Variants in SLC5A5 observed in about 807,000 individuals in gnomAD.
SLC5A5 encodes solute carrier family 5 member 5.
SLC5A5 carries 56 observed loss-of-function variants against 68.6 expected under a neutral mutation model. That is an observed-to-expected ratio of 0.82 (90% CI 0.66 to 1.02). The LOEUF is 1.02. Among genes scored for constraint, SLC5A5 ranks in the 50% least tolerant of loss-of-function variants. SLC5A5 has a pLI of 0.00. For synonymous variants in SLC5A5, 398 were observed against 373.0 expected, an observed-to-expected ratio of 1.07 and a Z score of -0.77; for missense variants, 807 against 859.8, an observed-to-expected ratio of 0.94 and a Z score of 0.77.
Position 17,888,412 on chromosome 19 carries a change from G to C in SLC5A5, c.1608G>C (p.Thr536=), listed in dbSNP as rs562401047. Reference sequence around the variant, plus strand: ...ATCTCTATTACGGTGCCCTGGGCACGCTGACCACTGTGCTGTGCGGAGCCC... The same window carrying C: ...ATCTCTATTACGGTGCCCTGGGCACCCTGACCACTGTGCTGTGCGGAGCCC... ...ISYLYYGALG[T]LTTVLCGALI... Residue 536 remains threonine (T), a synonymous_variant, in exon 13 of 15, where the codon ACG becomes ACC. Transcript: ENST00000222248. The C allele has an allele frequency of 2.0e-5, 33 of 1,613,696 alleles. No individual in the cohort carries two copies. Among genetic ancestry groups the C allele is most frequent in the Non-Finnish European group, 2.7e-5 (32 of 1,179,980 alleles).
chr19:17,884,152 G>A (rs2094328151), intron 12 of SLC5A5, 106 bp downstream of exon 12: 2 of 1,048,286 alleles, frequency 1.9e-6, no homozygotes, highest in Non-Finnish European at 2.8e-6. Flanking sequence ...TTAGTAAAAT[G>A]CATTCCTGGG....
chr19:17,875,891 C>A, intron 4 of SLC5A5, 61 bp from the exon 5 acceptor site: 1 of 1,560,090 alleles, frequency 6.4e-7, no homozygotes, highest in Non-Finnish European at 8.8e-7. Flanking sequence ...GTCCTAGGCA[C>A]CACTGAAGGC....
intron 13 of SLC5A5, among the ~76,000 whole-genome samples, chr19:17,890,250 T>G (rs2030112845): frequency 6.6e-6 from 1 of 152,060 alleles, no homozygotes; most frequent in African/African-American, 2.4e-5. Flanking sequence ...TTTGTATTTT[T>G]AGTAGAAATG....
intron 13 of SLC5A5, among the ~76,000 whole-genome samples, chr19:17,890,007 G>A (rs1210600498): frequency 6.6e-6 from 1 of 152,166 alleles, no homozygotes; most frequent in Non-Finnish European, 1.5e-5. Flanking sequence ...AGGCACTGGG[G>A]ATGCAGCAGT....
intron 10 of SLC5A5, among the ~76,000 whole-genome samples, chr19:17,882,932 C>T (rs1308706730): frequency 2.0e-5 from 3 of 152,148 alleles, no homozygotes; most frequent in East Asian, 1.9e-4. Flanking sequence ...ATCCGCCCTC[C>T]TCGGCCTCCC....
chr19:17,881,265 G>GT (rs34835308), intron 8 of SLC5A5, among the ~76,000 whole-genome samples: 11,489 of 149,904 alleles, frequency 0.077, 555 homozygotes, highest in African/African-American at 0.13. Flanking sequence ...GGCAGGTACT[G>GT]TTTTTTTTTG....
chr19:17,879,139 C>T (rs1414957632), intron 7 of SLC5A5, among the ~76,000 whole-genome samples: 1 of 144,548 alleles, frequency 6.9e-6, no homozygotes, highest in East Asian at 2.1e-4. Flanking sequence ...CTGAAAAATA[C>T]AAAATTAGCC....
chr19:17,879,858 T>A (rs1287777639), intron 7 of SLC5A5, among the ~76,000 whole-genome samples: 1 of 151,950 alleles, frequency 6.6e-6, no homozygotes, highest in African/African-American at 2.4e-5. Context: ...GATCAACAAA[T>A]GCACATTATA....
At position 17,872,245 on chromosome 19, in the gene SLC5A5, C is replaced by T. The variant is rs2094295866; in HGVS notation, c.-75C>T. 1.1e-6 allele frequency: 1 copy of T among 899,460 alleles called. No individual in the cohort carries two copies. The highest frequency in any genetic ancestry group is 1.7e-6 in the Non-Finnish European group (1 of 576,776). 55.7% of individuals were successfully genotyped at this position (899,460 alleles called of 1,614,324 possible). A position where few individuals can be genotyped will look rare whatever the true frequency, so the allele number is the denominator to read the frequency against. On this transcript the variant is annotated 5_prime_UTR_variant, in exon 1 of 15. Transcript: ENST00000222248. Reference sequence around the variant, plus strand: ...CCACCCGCCCTCCCCGTCCTGCCTCCTCGGCCCCTGCCAGCTTCCCCCGCT... The same window carrying T: ...CCACCCGCCCTCCCCGTCCTGCCTCTTCGGCCCCTGCCAGCTTCCCCCGCT...
At chr19:17,890,216 G>A (rs1417899172) in intron 13 of SLC5A5, among the ~76,000 whole-genome samples, 6 of 150,792 alleles carry the variant, frequency 4.0e-5, no homozygotes, top group African/African-American at 7.3e-5. Flanking sequence ...GATTACAAGC[G>A]CCCACCCCCA....
rs997008378 is a variant in SLC5A5, at chr19:17,878,158, G to A, written c.969+65G>A. 1.5e-5 allele frequency: 24 copies of A among 1,558,944 alleles called. No homozygotes were observed. In the East Asian group the frequency reaches 1.6e-4, roughly 10 times the overall value. On this transcript the variant is annotated intron_variant, in intron 7 of 14. Coordinates refer to ENST00000222248, the MANE Select transcript of SLC5A5 (RefSeq NM_000453.3). Reference sequence around the variant, plus strand: ...TCACTAGCTTGGTGGGATTGAGGTCGAAGAGCATTCCTAGCAGAGGGAATG... The same window carrying A: ...TCACTAGCTTGGTGGGATTGAGGTCAAAGAGCATTCCTAGCAGAGGGAATG...
At chr19:17,887,499 T>C (rs925846306) in intron 12 of SLC5A5, among the ~76,000 whole-genome samples, 39 of 152,244 alleles carry the variant, frequency 2.6e-4, no homozygotes, top group Non-Finnish European at 7.4e-5. Flanking sequence ...TTCACCATGT[T>C]AGCCAGCCTG....
intron 14 of SLC5A5, among the ~76,000 whole-genome samples, chr19:17,892,292 C>T (rs566280221): frequency 1.4e-5 from 2 of 142,994 alleles, no homozygotes; most frequent in Non-Finnish European, 3.0e-5. Flanking sequence ...AGCAAGACTT[C>T]GTCAAAAAGA....
At chr19:17,884,112 C>T (rs2094328072) in intron 12 of SLC5A5, 66 bp downstream of exon 12, 2 of 1,333,526 alleles carry the variant, frequency 1.5e-6, no homozygotes, top group Admixed American at 3.9e-5. Context: ...GGGAAACTTA[C>T]TTGCCCTGCA....
chr19:17,891,350 C>T (rs564502599), intron 14 of SLC5A5, among the ~76,000 whole-genome samples: 3 of 152,092 alleles, frequency 2.0e-5, no homozygotes, highest in East Asian at 3.9e-4. Context: ...CTACTACAGG[C>T]GCATGCCACC....
At position 17,894,729 on chromosome 19, in the gene SLC5A5, C is replaced by T. The variant is rs1008128681; in HGVS notation, c.*852C>T. 1.3e-5 allele frequency: 2 copies of T among 152,332 alleles called. No homozygotes were observed. Among genetic ancestry groups the T allele is most frequent in the Non-Finnish European group, 2.9e-5 (2 of 68,140 alleles). The allele number at this position is 152,332 out of a possible 1,614,324, so 9.4% of individuals were successfully genotyped here. A position where few individuals can be genotyped will look rare whatever the true frequency, so the allele number is the denominator to read the frequency against. ...ACACACCTGCCATGGCTCCCATCAT[C>T]CTGAGCATGCTAGCGTCCCCTCCTC... On this transcript the variant is annotated 3_prime_UTR_variant, in exon 15 of 15. Coordinates refer to ENST00000222248, the MANE Select transcript of SLC5A5 (RefSeq NM_000453.3).
chr19:17,890,757 T>A, intron 13 of SLC5A5, 129 bp from the exon 14 acceptor site: 1 of 744,110 alleles, frequency 1.3e-6, no homozygotes, highest in Non-Finnish European at 2.4e-6. Flanking sequence ...CCAGGGTCCC[T>A]TAGTGGGACT....
rs553760148 is a variant in SLC5A5 at position 17,880,989 on chromosome 19, A to C, written c.1058+36A>C. 2.7e-6 allele frequency: 4 copies of C among 1,468,088 alleles called. No homozygotes were observed. In the South Asian group the frequency reaches 4.5e-5, roughly 17 times the overall value. 90.9% of individuals were successfully genotyped at this position (1,468,088 alleles called of 1,614,324 possible). On this transcript the variant is annotated intron_variant, in intron 8 of 14. Coordinates refer to ENST00000222248, the MANE Select transcript of SLC5A5 (RefSeq NM_000453.3). ...CTGCTTGTTCATGGAGCATTATTTCAGCCCCTGGGAGCCTCCTTATCCTGG... is the reference window on the plus strand; with the variant it reads ...CTGCTTGTTCATGGAGCATTATTTCCGCCCCTGGGAGCCTCCTTATCCTGG...
chr19:17,881,871 C>G (rs2094321347), intron 8 of SLC5A5, 89 bp from the exon 9 acceptor site: 1 of 967,260 alleles, frequency 1.0e-6, no homozygotes, highest in Admixed American at 1.9e-5. Flanking sequence ...CCCACCGTTG[C>G]CCTCAGGCTG....
Sources: allele counts gnomAD v4.1 joint callset (sites outside exome capture counted in the v4.1 genomes callset), GRCh38; gene constraint gnomAD v4.1.1; transcripts MANE v1.5; gene names NCBI Gene and HGNC (gene_info 2026-07-23, HGNC 2026-07-21).